The following CAMTA1 variants were observed in gnomAD, a reference collection of about 807,000 sequenced individuals.
CAMTA1 encodes the protein calmodulin-binding transcription activator 1.
CAMTA1 carries 27 observed loss-of-function variants against 170.9 expected under a neutral mutation model. The ratio of observed to expected loss-of-function variants is 0.16; its 90% CI spans 0.12 to 0.22. CAMTA1 has a LOEUF of 0.22. Among genes scored for constraint, CAMTA1 ranks in the 10% least tolerant of loss-of-function variants. The pLI, the probability that CAMTA1 is intolerant of heterozygous loss-of-function variation, is 1.00. For missense variants in CAMTA1, 1,619 were observed against 2,217.2 expected (o/e 0.73, Z 5.42); for synonymous variants, 833 against 891.5 (o/e 0.93, Z 1.17).
intron 4 of CAMTA1, among the ~76,000 whole-genome samples, chr1:7,163,847 T>G (rs1340883109): frequency 6.6e-6 from 1 of 152,154 alleles, no homozygotes; most frequent in African/African-American, 2.4e-5. Flanking sequence ...CACTATATGC[T>G]CTTAGCACCT....
rs1353760014 is a variant in CAMTA1, at chr1:6,995,285, TTTTTC to T, written c.235-96009_235-96005del. Among the ~76,000 whole-genome samples the T allele has an allele frequency of 8.5e-3, 1,191 of 139,940 alleles. 29 individuals carry two copies. The highest frequency in any genetic ancestry group is 0.031 in the African/African-American group (1,121 of 36,620). The allele number at this position is 139,940 out of a possible 152,430, so 91.8% of individuals were successfully genotyped here. A position where few individuals can be genotyped will look rare whatever the true frequency, so the allele number is the denominator to read the frequency against. The stretch of plus-strand genomic sequence containing the variant: ...TTACTTTAGATCCTTTAAAATCTTT[TTTTTC>T]TTTTCTTTTTTTTTTTTTTTTTTTT... On this transcript the variant is annotated intron_variant, in intron 3 of 22. Transcript: ENST00000303635.
chr1:7,547,749 A>G lies in CAMTA1; in HGVS notation c.510+79848A>G, dbSNP rs1557894969. 6.6e-6 allele frequency among the ~76,000 whole-genome samples: 1 copy of G among 150,818 alleles called. No homozygotes were observed. Among genetic ancestry groups the G allele is most frequent in the Non-Finnish European group, 1.5e-5 (1 of 67,796 alleles). On this transcript the variant is annotated intron_variant, in intron 6 of 22. Transcript: ENST00000303635. The surrounding 1 kb of genome is among the most constrained non-coding windows in gnomAD (Gnocchi z 5.7). ...AGCTACCGTTAGTGTTAGTATATTT[A>G]TGTGTGGCCTAAGAGAATTATTCTT... is the stretch of plus-strand genomic sequence containing the variant.
chr1:6,848,915 G>A (rs1297558726), intron 3 of CAMTA1, among the ~76,000 whole-genome samples: 1 of 152,118 alleles, frequency 6.6e-6, no homozygotes, highest in East Asian at 1.9e-4. Context: ...AAGATAAATG[G>A]GCTCATAGGA....
chr1:7,739,457 G>C lies in CAMTA1; in HGVS notation c.4182+975G>C, dbSNP rs543309781. On this transcript the variant is annotated intron_variant, in intron 16 of 22. Coordinates refer to ENST00000303635, the MANE Select transcript of CAMTA1 (RefSeq NM_015215.4). ...GTTCCCATTTCTGGGGAGTTGCCGG[G>C]GGCACCACTTCTGACCTACCGTATT... 5.3e-5 allele frequency among the ~76,000 whole-genome samples: 8 copies of C among 152,278 alleles called. No homozygotes were observed. The South Asian group carries it at 1.7e-3, about 32-fold the overall frequency.
intron 6 of CAMTA1, among the ~76,000 whole-genome samples, chr1:7,630,886 C>T (rs1484441737): frequency 1.3e-5 from 2 of 152,222 alleles, no homozygotes; most frequent in African/African-American, 4.8e-5. Context: ...GGACCAAGCC[C>T]CCAGAAGAGC....
intron 6 of CAMTA1, among the ~76,000 whole-genome samples, chr1:7,577,202 C>T (rs375190156): frequency 5.9e-5 from 9 of 152,360 alleles, no homozygotes; most frequent in African/African-American, 2.2e-4. Flanking sequence ...AGACGTTCCT[C>T]AGATCCCTGT....
intron 5 of CAMTA1, among the ~76,000 whole-genome samples, chr1:7,340,019 C>G (rs763170): frequency 0.18 from 26,987 of 152,194 alleles, 3,613 homozygotes; most frequent in East Asian, 0.59. Context: ...CCAGACAACA[C>G]TCTATCCCAG....
chr1:7,565,778 C>T lies in CAMTA1; in HGVS notation c.511-74622C>T, dbSNP rs576513907. Among the ~76,000 whole-genome samples, 3 of 152,216 alleles carry T rather than the reference C, an allele frequency of 2.0e-5. No individual in the cohort carries two copies. The highest frequency in any genetic ancestry group is 7.2e-5 in the African/African-American group (3 of 41,524). On this transcript the variant is annotated intron_variant, in intron 6 of 22. Transcript: ENST00000303635. This position sits in a 1 kb window ranked among gnomAD's most constrained non-coding sequence, Gnocchi z 4.5. ...GCTGCCATGACAAAATACCATAGAC[C>T]GGGTGGCTTAAACAGTAGACATTTA...
chr1:6,900,777 TAAGAG>T (rs935667706), intron 3 of CAMTA1, among the ~76,000 whole-genome samples: 1 of 152,314 alleles, frequency 6.6e-6, no homozygotes, highest in South Asian at 2.1e-4. Flanking sequence ...TGAGAGAAAT[TAAGAG>T]AAGATCTATA....
Position 6,934,029 on chromosome 1 carries a change from T to C in CAMTA1, c.234+108819T>C, listed in dbSNP as rs541042618. Among the ~76,000 whole-genome samples, 1 of 152,320 alleles carries C rather than the reference T, an allele frequency of 6.6e-6. No homozygotes were observed. Among genetic ancestry groups the C allele is most frequent in the Non-Finnish European group, 1.5e-5 (1 of 68,026 alleles). ...AGCACAAAGCCTGCTGGGATTTTGATTGGGATTGAGCCTCACATTGCTCTC... is the reference window on the plus strand; with the variant it reads ...AGCACAAAGCCTGCTGGGATTTTGACTGGGATTGAGCCTCACATTGCTCTC... On this transcript the variant is annotated intron_variant, in intron 3 of 22. Coordinates refer to ENST00000303635, the MANE Select transcript of CAMTA1 (RefSeq NM_015215.4). The surrounding 1 kb of genome is among the most constrained non-coding windows in gnomAD (Gnocchi z 4.5).
At chr1:7,394,688 T>A (rs2089096244) in intron 5 of CAMTA1, among the ~76,000 whole-genome samples, 1 of 152,084 alleles carries the variant, frequency 6.6e-6, no homozygotes, top group South Asian at 2.1e-4. Context: ...AGAAGCTTTT[T>A]AAATTTGATG....
At chr1:7,462,131 T>C (rs544429336) in intron 5 of CAMTA1, among the ~76,000 whole-genome samples, 1 of 152,362 alleles carries the variant, frequency 6.6e-6, no homozygotes, top group South Asian at 2.1e-4. Flanking sequence ...ACTACCTATT[T>C]TTATTTTATT....
chr1:7,715,566 G>A (rs552437345), intron 11 of CAMTA1, among the ~76,000 whole-genome samples: 1 of 152,160 alleles, frequency 6.6e-6, no homozygotes, highest in Admixed American at 6.5e-5. Flanking sequence ...CCAAAGCGCT[G>A]GGATTACAGG....
chr1:7,459,158 G>A (rs1405671043), intron 5 of CAMTA1, among the ~76,000 whole-genome samples: 1 of 152,220 alleles, frequency 6.6e-6, no homozygotes. Flanking sequence ...GGAGGAAGGA[G>A]CAAGGGCTTT....
chr1:7,283,487 G>A (rs1027801398), intron 5 of CAMTA1, among the ~76,000 whole-genome samples: 1 of 152,072 alleles, frequency 6.6e-6, no homozygotes, highest in Non-Finnish European at 1.5e-5. Flanking sequence ...CTCTTCTCTG[G>A]GCTCCAGATA....
intron 18 of CAMTA1, among the ~76,000 whole-genome samples, chr1:7,747,361 A>G (rs1345787043): frequency 6.6e-6 from 1 of 152,222 alleles, no homozygotes; most frequent in Non-Finnish European, 1.5e-5. Context: ...AAAAGTGTTA[A>G]AAGCCATTAA....
intron 6 of CAMTA1, among the ~76,000 whole-genome samples, chr1:7,468,974 C>A (rs115967935): frequency 9.2e-5 from 14 of 152,202 alleles, no homozygotes; most frequent in Non-Finnish European, 1.3e-4. Flanking sequence ...CCCACAGGGC[C>A]GGAGCCATGT....
intron 6 of CAMTA1, among the ~76,000 whole-genome samples, chr1:7,586,369 G>A (rs1055580824): frequency 1.3e-5 from 2 of 152,188 alleles, no homozygotes; most frequent in African/African-American, 2.4e-5. Context: ...CCTTATCTGC[G>A]CTCCCCAGAG....
At chr1:7,693,761 CA>C (rs1243604164) in intron 11 of CAMTA1, 2 of 152,226 alleles carry the variant, frequency 1.3e-5, no homozygotes, top group African/African-American at 4.8e-5. Flanking sequence ...CCAACCAGGG[CA>C]GCTCACCATA....
Sources: gnomAD v4.1 joint callset for allele counts (sites outside exome capture counted in the v4.1 genomes callset) on GRCh38, gnomAD v4.1.1 for gene constraint, Gnocchi (gnomAD v3.1) non-coding constraint, MANE v1.5 for transcripts, NCBI Gene and HGNC (gene_info 2026-07-23, HGNC 2026-07-21) for gene names.